The following ABHD6 variants were observed in gnomAD, a reference collection of about 807,000 sequenced individuals.
ABHD6 encodes the protein monoacylglycerol lipase ABHD6.
In ABHD6, 33 loss-of-function variants were observed where a neutral mutation model predicts 38.8. The observed-to-expected ratio is 0.85, with a 90% CI of 0.64 to 1.14. ABHD6 has a LOEUF of 1.14. Ranked by LOEUF, ABHD6 falls within the 50% of genes most tolerant of loss-of-function variation. The probability of loss-of-function intolerance (pLI) is 0.00; values close to 1 mark genes in which losing one functional copy is unlikely to be tolerated. For missense variants in ABHD6, 380 were observed against 422.6 expected, an observed-to-expected ratio of 0.90 and a Z score of 0.88; for synonymous variants, 147 against 161.6, an observed-to-expected ratio of 0.91 and a Z score of 0.69.
Position 58,256,628 on chromosome 3 carries a change from C to T in ABHD6, c.42C>T (p.Gly14=). Residue 14 remains glycine, a synonymous_variant, in exon 3 of 10, where the codon GGC becomes GGT. Coordinates refer to ENST00000478253, the MANE Select transcript of ABHD6 (RefSeq NM_001320126.2). This position sits in a 1 kb window ranked among gnomAD's most constrained non-coding sequence, Gnocchi z 4.3. ...DVVNMFVIAG[G]TLAIPILAFV... ...TTAACATGTTTGTGATTGCGGGCGG[C>T]ACGCTGGCCATCCCAATCCTGGCAT... 6.2e-7 allele frequency: 1 copy of T among 1,613,994 alleles called. No homozygotes were observed. Among genetic ancestry groups the T allele is most frequent in the Non-Finnish European group, 8.5e-7 (1 of 1,180,018 alleles).
At chr3:58,288,747 G>A (rs1295080648) in intron 9 of ABHD6, among the ~76,000 whole-genome samples, 1 of 152,168 alleles carries the variant, frequency 6.6e-6, no homozygotes, top group African/African-American at 2.4e-5. Context: ...GCAATTTATC[G>A]TCTACCTACC....
intron 1 of ABHD6, among the ~76,000 whole-genome samples, chr3:58,239,752 G>A (rs1375125640): frequency 6.6e-6 from 1 of 152,062 alleles, no homozygotes; most frequent in Non-Finnish European, 1.5e-5. Context: ...ATTGTCCTTA[G>A]AGGTGATCCT....
intron 6 of ABHD6, among the ~76,000 whole-genome samples, chr3:58,271,766 G>GTTTTTAT (rs2097445105): frequency 1.6e-5 from 1 of 63,618 alleles, no homozygotes; most frequent in African/African-American, 7.1e-5. Context: ...CCCTCTCTCT[G>GTTTTTAT]TTTTTTTTTT....
chr3:58,263,779 T>A lies in ABHD6; in HGVS notation c.120-3410T>A, dbSNP rs1165548807. On this transcript the variant is annotated intron_variant, in intron 3 of 9. Coordinates refer to ENST00000478253, the MANE Select transcript of ABHD6 (RefSeq NM_001320126.2). The surrounding 1 kb of genome is among the most constrained non-coding windows in gnomAD (Gnocchi z 4.9). The stretch of plus-strand genomic sequence containing the variant: ...TGTATGAGAGTTATAGAGAATTTGA[T>A]GATTATAAAAACGTAACCCATTCGA... Among the ~76,000 whole-genome samples the A allele has an allele frequency of 2.0e-5, 3 of 152,158 alleles. No homozygotes were observed. Among genetic ancestry groups the A allele is most frequent in the Non-Finnish European group, 4.4e-5 (3 of 68,038 alleles).
chr3:58,290,939 C>T (rs1229398616), intron 9 of ABHD6, among the ~76,000 whole-genome samples: 7 of 151,974 alleles, frequency 4.6e-5, no homozygotes, highest in African/African-American at 1.2e-4. Context: ...AGACGATGGG[C>T]GGCCAGGCAG....
At position 58,251,208 on chromosome 3, in the gene ABHD6, T is replaced by A. The variant is rs1430713919; in HGVS notation, c.-26+1266T>A. 6.6e-6 allele frequency among the ~76,000 whole-genome samples: 1 copy of A among 151,652 alleles called. No homozygotes were observed. The highest frequency in any genetic ancestry group is 1.5e-5 in the Non-Finnish European group (1 of 67,968). ...GGCAGATGCCTGTAATCCCAGCTACTCAGGAGGCTGAGACAGGAGAAGCAC... is the reference window on the plus strand; with the variant it reads ...GGCAGATGCCTGTAATCCCAGCTACACAGGAGGCTGAGACAGGAGAAGCAC... On this transcript the variant is annotated intron_variant, in intron 2 of 9. Coordinates refer to ENST00000478253, the MANE Select transcript of ABHD6 (RefSeq NM_001320126.2). The surrounding 1 kb of genome is among the most constrained non-coding windows in gnomAD (Gnocchi z 5.4).
intron 3 of ABHD6, among the ~76,000 whole-genome samples, chr3:58,261,161 T>C (rs975000968): frequency 3.9e-5 from 6 of 152,116 alleles, no homozygotes; most frequent in Non-Finnish European, 8.8e-5. Flanking sequence ...AGAAACTCAG[T>C]TGTGAAATCA....
chr3:58,248,247 T>G (rs535974311), intron 1 of ABHD6, among the ~76,000 whole-genome samples: 1 of 152,366 alleles, frequency 6.6e-6, no homozygotes, highest in East Asian at 1.9e-4. Context: ...TATATATGTT[T>G]CTTTGCAAAG....
intron 3 of ABHD6, among the ~76,000 whole-genome samples, chr3:58,260,437 G>A (rs1048555387): frequency 6.6e-6 from 1 of 152,230 alleles, no homozygotes; most frequent in Non-Finnish European, 1.5e-5. Context: ...TATGATTTTA[G>A]TAATAAAACC....
intron 7 of ABHD6, among the ~76,000 whole-genome samples, chr3:58,280,071 G>A (rs2097451966): frequency 6.6e-6 from 1 of 151,962 alleles, no homozygotes; most frequent in Non-Finnish European, 1.5e-5. Flanking sequence ...TGTGTCTTGG[G>A]GTTGCTATTC....
intron 3 of ABHD6, chr3:58,258,425 G>A: frequency 2.5e-6 from 1 of 407,222 alleles, no homozygotes; most frequent in Non-Finnish European, 5.0e-6. Flanking sequence ...GAAAGATGTA[G>A]CAGCCCTGAG....
intron 7 of ABHD6, among the ~76,000 whole-genome samples, chr3:58,280,799 T>C (rs530066559): frequency 3.3e-5 from 5 of 152,218 alleles, no homozygotes; most frequent in Non-Finnish European, 5.9e-5. Context: ...TTTTTGTTAA[T>C]GTTGATGCTA....
chr3:58,278,305 C>G (rs2097450376), intron 7 of ABHD6, among the ~76,000 whole-genome samples: 2 of 152,164 alleles, frequency 1.3e-5, no homozygotes, highest in African/African-American at 4.8e-5. Flanking sequence ...TTCAGAGATT[C>G]AACTTCTTCC....
rs944980980 is a variant in ABHD6, at chr3:58,269,020, A to G, written c.277-301A>G. Among the ~76,000 whole-genome samples the G allele has an allele frequency of 1.4e-4, 22 of 152,206 alleles. No individual in the cohort carries two copies. Among genetic ancestry groups the G allele is most frequent in the African/African-American group, 5.3e-4 (22 of 41,456 alleles). ...GGGGTGAGGGAAAGGAGGAGGCAGT[A>G]CATGTCAACTAGTGTGAAGAAAAAG... On this transcript the variant is annotated intron_variant, in intron 4 of 9. Coordinates refer to ENST00000478253, the MANE Select transcript of ABHD6 (RefSeq NM_001320126.2). The surrounding 1 kb of genome is among the most constrained non-coding windows in gnomAD (Gnocchi z 4.4).
chr3:58,247,109 G>A lies in ABHD6; in HGVS notation c.-90-2769G>A, dbSNP rs1031973833. Reference sequence around the variant, plus strand: ...TGCAGTGCAGTGCACTGCAACCTCCGCCTCCTGGGTTAAAGGGATTCTAGC... The same window carrying A: ...TGCAGTGCAGTGCACTGCAACCTCCACCTCCTGGGTTAAAGGGATTCTAGC... On this transcript the variant is annotated intron_variant, in intron 1 of 9. Transcript: ENST00000478253. 1.4e-4 allele frequency among the ~76,000 whole-genome samples: 21 copies of A among 147,614 alleles called. No individual in the cohort carries two copies. The East Asian group carries it at 3.1e-3, about 22-fold the overall frequency.
intron 9 of ABHD6, among the ~76,000 whole-genome samples, chr3:58,286,846 G>GTATATATATATATATA (rs57921434): frequency 3.0e-4 from 27 of 90,208 alleles, no homozygotes; most frequent in Middle Eastern, 5.6e-3. Flanking sequence ...GTGTGTGTGT[G>GTATATATATATATATA]TGTGTGTATA....
chr3:58,241,710 A>G (rs2097422938), intron 1 of ABHD6, among the ~76,000 whole-genome samples: 1 of 152,210 alleles, frequency 6.6e-6, no homozygotes, highest in Middle Eastern at 3.2e-3. Context: ...GAGACTACTC[A>G]GGCATCTCAA....
rs1575526070 is a variant in ABHD6 at position 58,273,670 on chromosome 3, A to G, written c.524-988A>G. Reference sequence around the variant, plus strand: ...GTTCTCACTCATAAGTGCGAGTTGAACAGTGAGAAGACATGGACACAGAAA... The same window carrying G: ...GTTCTCACTCATAAGTGCGAGTTGAGCAGTGAGAAGACATGGACACAGAAA... On this transcript the variant is annotated intron_variant, in intron 6 of 9. Transcript: ENST00000478253. The surrounding 1 kb of genome is among the most constrained non-coding windows in gnomAD (Gnocchi z 4.8). Among the ~76,000 whole-genome samples the G allele has an allele frequency of 6.6e-6, 1 of 152,298 alleles. No individual in the cohort carries two copies. Among genetic ancestry groups the G allele is most frequent in the Middle Eastern group, 3.4e-3 (1 of 294 alleles).
chr3:58,288,628 C>T (rs1480971859), intron 9 of ABHD6, among the ~76,000 whole-genome samples: 1 of 150,968 alleles, frequency 6.6e-6, no homozygotes, highest in Non-Finnish European at 1.5e-5. Flanking sequence ...ACTGACTACA[C>T]ATTTAAGCCA....
Sources: allele counts gnomAD v4.1 joint callset (sites outside exome capture counted in the v4.1 genomes callset), GRCh38; gene constraint gnomAD v4.1.1; non-coding constraint Gnocchi (gnomAD v3.1); transcripts MANE v1.5; gene names NCBI Gene and HGNC (gene_info 2026-07-23, HGNC 2026-07-21).